Variants in CDCA7 observed in about 807,000 individuals in gnomAD.
CDCA7 encodes the protein cell division cycle-associated protein 7.
A neutral mutation model predicts 54.0 loss-of-function variants in CDCA7; 28 were observed. That is an observed-to-expected ratio of 0.52 (90% CI 0.38 to 0.71). The LOEUF (loss-of-function observed/expected upper bound fraction) is 0.71. CDCA7 is among the 30% of genes least tolerant of loss of function. CDCA7 has a pLI of 0.00. For synonymous variants in CDCA7, 180 were observed against 208.2 expected (o/e 0.86, Z 1.16); for missense variants, 484 against 586.0 (o/e 0.83, Z 1.80).
intron 1 of CDCA7, among the ~76,000 whole-genome samples, chr2:173,356,407 A>T: frequency 6.6e-6 from 1 of 152,290 alleles, no homozygotes; most frequent in African/African-American, 2.4e-5. Flanking sequence ...TGCGATGAAC[A>T]CTGCTGCTTA....
chr2:173,358,157 G>A (rs1280915852), intron 1 of CDCA7, among the ~76,000 whole-genome samples: 1 of 142,878 alleles, frequency 7.0e-6, no homozygotes, highest in African/African-American at 2.6e-5. Flanking sequence ...CCGAGATCGC[G>A]CCACTGCACT....
rs148793964 is a variant in CDCA7, at chr2:173,365,501, C to T, written c.944C>T (p.Pro315Leu). The T allele has an allele frequency of 2.8e-5, 46 of 1,614,162 alleles. No homozygotes were observed. The African/African-American group carries it at 4.3e-4, about 15-fold the overall frequency. The part of the protein sequence containing the change: ...SRRSRSSVTL[P>L]HIIRPVEEIT... ...CGCTCCAGATCATCCGTGACCCTTC[C>T]GCATATAATTCGCCCAGTGGAAGAA... Residue 315 changes from proline (P) to leucine (L), a missense_variant, in exon 7 of 10, where the codon CCG becomes CTG. Pro to Leu is a moderately conservative substitution (Grantham distance 98). Coordinates refer to ENST00000306721, the MANE Select transcript of CDCA7 (RefSeq NM_031942.5).
Position 173,354,894 on chromosome 2 carries a change from T to G in CDCA7, c.-70T>G, listed in dbSNP as rs1310448496. 3.7e-6 allele frequency: 5 copies of G among 1,363,678 alleles called. No homozygotes were observed. The allele number at this position is 1,363,678 out of a possible 1,614,324, so 84.5% of individuals were successfully genotyped here. On this transcript the variant is annotated 5_prime_UTR_variant, in exon 1 of 10. Transcript: ENST00000306721. ...CGCGCTGCTGCTGCTCCTCCTGCTG[T>G]GGGACCGCTGACCGCGCGGCTGCTC... is the stretch of plus-strand genomic sequence containing the variant.
intron 3 of CDCA7, among the ~76,000 whole-genome samples, chr2:173,359,816 G>T (rs2106388861): frequency 6.6e-6 from 1 of 152,300 alleles, no homozygotes; most frequent in South Asian, 2.1e-4. Flanking sequence ...TTGCATTTAA[G>T]TTCAAGTGCC....
chr2:173,365,730 A>G (rs1574221267), intron 7 of CDCA7, 138 bp downstream of exon 7: 1 of 986,888 alleles, frequency 1.0e-6, no homozygotes, highest in Non-Finnish European at 1.4e-6. Context: ...ACAAGGAAGG[A>G]AAAGTTTTAC....
rs2106393054 is a variant in CDCA7 at position 173,367,681 on chromosome 2, T to C, written c.*17T>C. On this transcript the variant is annotated 3_prime_UTR_variant, in exon 10 of 10. Coordinates refer to ENST00000306721, the MANE Select transcript of CDCA7 (RefSeq NM_031942.5). ...CAAGCATAATATCTGGAAAATTTGC[T>C]GCCTGCCTTCTACTTCTCAAATCTT... The C allele has an allele frequency of 6.2e-7, 1 of 1,614,002 alleles. No homozygotes were observed. The highest frequency in any genetic ancestry group is 2.2e-5 in the East Asian group (1 of 44,874).
chr2:173,367,414 C>G, intron 9 of CDCA7, 128 bp downstream of exon 9: 1 of 1,427,308 alleles, frequency 7.0e-7, no homozygotes, highest in Admixed American at 1.9e-5. Flanking sequence ...ACGGGGCACA[C>G]TGGAAGGGAT....
At chr2:173,362,047 C>T (rs757128250) in intron 3 of CDCA7, among the ~76,000 whole-genome samples, 8 of 152,174 alleles carry the variant, frequency 5.3e-5, no homozygotes, top group Admixed American at 1.3e-4. Context: ...AAACTCCTGA[C>T]GTCAGGTGAT....
intron 1 of CDCA7, among the ~76,000 whole-genome samples, chr2:173,357,509 C>A (rs540590110): frequency 6.6e-6 from 1 of 152,316 alleles, no homozygotes; most frequent in East Asian, 1.9e-4. Flanking sequence ...GTGGAAATCA[C>A]GATAGCCCTC....
chr2:173,355,601 A>T (rs1686483754), intron 1 of CDCA7, among the ~76,000 whole-genome samples: 1 of 152,206 alleles, frequency 6.6e-6, no homozygotes, highest in Non-Finnish European at 1.5e-5. Flanking sequence ...GTGCATTTAA[A>T]GGGCTTGGTG....
chr2:173,367,020 A>G (rs1389823978), intron 8 of CDCA7, 130 bp from the exon 9 acceptor site: 2 of 1,304,358 alleles, frequency 1.5e-6, no homozygotes, highest in African/African-American at 3.0e-5. Context: ...ATTAGGAAAC[A>G]TTAGGCATGA....
At chr2:173,359,622 T>A (rs2106388769) in intron 3 of CDCA7, 131 bp downstream of exon 3, 1 of 758,144 alleles carries the variant, frequency 1.3e-6, no homozygotes, top group East Asian at 2.6e-5. Context: ...TTAAAAATTT[T>A]TAGTGTTTTC....
At chr2:173,355,681 C>A (rs1237465869) in intron 1 of CDCA7, among the ~76,000 whole-genome samples, 1 of 151,016 alleles carries the variant, frequency 6.6e-6, no homozygotes, top group Non-Finnish European at 1.5e-5. Flanking sequence ...CCCCCACCCC[C>A]CACCCCCCAG....
At chr2:173,363,759 G>A in intron 4 of CDCA7, 59 bp from the exon 5 acceptor site, 1 of 1,499,168 alleles carries the variant, frequency 6.7e-7, no homozygotes, top group Non-Finnish European at 9.3e-7. Flanking sequence ...GAAGTTAGTT[G>A]CTCATTTTCG....
chr2:173,367,944 A>C lies in CDCA7; in HGVS notation c.*280A>C. 2.1e-6 allele frequency: 1 copy of C among 479,110 alleles called. No homozygotes were observed. The highest frequency in any genetic ancestry group is 3.7e-6 in the Non-Finnish European group (1 of 271,720). 29.7% of individuals were successfully genotyped at this position (479,110 alleles called of 1,614,324 possible). ...TCCTCTCCAACCGCTTAGTTTCTGA[A>C]TTTCTTTTAAATTACAGTTTTATGA... On this transcript the variant is annotated 3_prime_UTR_variant, in exon 10 of 10. Coordinates refer to ENST00000306721, the MANE Select transcript of CDCA7 (RefSeq NM_031942.5).
chr2:173,357,536 C>T (rs1185173103), intron 1 of CDCA7, among the ~76,000 whole-genome samples: 1 of 152,168 alleles, frequency 6.6e-6, no homozygotes, highest in Non-Finnish European at 1.5e-5. Context: ...GGAAAGGGGC[C>T]TGCTTGGAAG....
intron 1 of CDCA7, 36 bp downstream of exon 1, chr2:173,355,020 C>T (rs1010153247): frequency 5.5e-5 from 75 of 1,361,940 alleles, no homozygotes; most frequent in Non-Finnish European, 7.0e-5. Flanking sequence ...GGGGCGGGCG[C>T]GGTGGGTGCT....
intron 3 of CDCA7, among the ~76,000 whole-genome samples, chr2:173,362,482 A>G (rs1317778297): frequency 6.6e-6 from 1 of 151,884 alleles, no homozygotes; most frequent in Non-Finnish European, 1.5e-5. Context: ...ATATTATATT[A>G]TATATTTTTT....
intron 5 of CDCA7, chr2:173,364,502 GA>G (rs201911919): frequency 0.023 from 5,119 of 224,070 alleles, 1 homozygote; most frequent in Middle Eastern, 0.037. Context: ...AGACATCAGA[GA>G]AAATTTTTTT....
Sources: gnomAD v4.1 joint callset for allele counts (sites outside exome capture counted in the v4.1 genomes callset) on GRCh38, gnomAD v4.1.1 for gene constraint, MANE v1.5 for transcripts, NCBI Gene and HGNC (gene_info 2026-07-23, HGNC 2026-07-21) for gene names.